Variants in CENPH observed in about 807,000 individuals in gnomAD.
CENPH encodes centromere protein H, also known as CENP-H.
In CENPH, 40 loss-of-function variants were observed where a neutral mutation model predicts 42.9. The observed-to-expected ratio is 0.93, with a 90% confidence interval of 0.72 to 1.21. The LOEUF (loss-of-function observed/expected upper bound fraction) is 1.21, where lower values mean the gene tolerates loss of function less well. Ranked by LOEUF, CENPH falls within the 50% of genes most tolerant of loss-of-function variation. CENPH has a pLI of 0.00. For missense variants in CENPH, 302 were observed against 292.9 expected (o/e 1.03, Z -0.23); for synonymous variants, 88 against 96.5 (o/e 0.91, Z 0.52).
intron 7 of CENPH, among the ~76,000 whole-genome samples, chr5:69,205,383 G>A (rs1043148678): frequency 1.3e-5 from 2 of 151,824 alleles, no homozygotes; most frequent in Non-Finnish European, 2.9e-5. Flanking sequence ...GTGCCACCAC[G>A]CCTGGCTAAT....
chr5:69,189,861 C>T, intron 1 of CENPH, 93 bp downstream of exon 1: 3 of 1,340,088 alleles, frequency 2.2e-6, no homozygotes, highest in Non-Finnish European at 2.9e-6. Flanking sequence ...CGAATTCACG[C>T]TCGGTCACGT....
intron 5 of CENPH, among the ~76,000 whole-genome samples, chr5:69,197,841 C>CA (rs768055573): frequency 0.028 from 2,899 of 102,490 alleles, 70 homozygotes; most frequent in Non-Finnish European, 0.036. Context: ...TTATTATGAG[C>CA]AAAAAAAAAA....
rs532738235 is a variant in CENPH, at chr5:69,209,690, A to AT, written c.652-9dup. The AT allele has an allele frequency of 3.8e-3, 5,258 of 1,391,024 alleles. 20 individuals carry two copies. Among genetic ancestry groups the AT allele is most frequent in the South Asian group, 6.2e-3 (491 of 78,674 alleles). 86.2% of individuals were successfully genotyped at this position (1,391,024 alleles called of 1,614,324 possible). A position where few individuals can be genotyped will look rare whatever the true frequency, so the allele number is the denominator to read the frequency against. ...TTAAAGTACTTGTAACTTTAAAACA[A>AT]TTTTTTTTCTTTACAGAACCTTATT... is the stretch of plus-strand genomic sequence containing the variant. On this transcript the variant is annotated splice_polypyrimidine_tract_variant and intron_variant, in intron 8 of 8. Coordinates refer to ENST00000283006, the MANE Select transcript of CENPH (RefSeq NM_022909.4).
intron 8 of CENPH, among the ~76,000 whole-genome samples, chr5:69,209,493 C>T (rs1011058606): frequency 2.6e-5 from 4 of 151,356 alleles, no homozygotes; most frequent in Admixed American, 6.6e-5. Context: ...AGCTGAAGAC[C>T]GCACCATTGC....
chr5:69,197,214 G>A, intron 5 of CENPH, 105 bp downstream of exon 5: 1 of 601,726 alleles, frequency 1.7e-6, no homozygotes, highest in South Asian at 4.5e-5. Flanking sequence ...TTTGTCTGGG[G>A]AATAAGGAAA....
At chr5:69,208,676 A>G (rs1384388403) in intron 8 of CENPH, among the ~76,000 whole-genome samples, 2 of 152,058 alleles carry the variant, frequency 1.3e-5, no homozygotes, top group South Asian at 2.1e-4. Context: ...TGATGATGCT[A>G]TCATACAGTA....
At chr5:69,190,061 A>G (rs897637227) in intron 1 of CENPH, among the ~76,000 whole-genome samples, 6 of 151,804 alleles carry the variant, frequency 4.0e-5, no homozygotes, top group African/African-American at 1.5e-4. Flanking sequence ...CCCTCCCCCT[A>G]CCTCTCTGGT....
chr5:69,198,166 C>T (rs112771392), intron 5 of CENPH, among the ~76,000 whole-genome samples: 2 of 151,650 alleles, frequency 1.3e-5, no homozygotes, highest in South Asian at 2.1e-4. Context: ...GTGATCCACC[C>T]GCCTCGGCCT....
chr5:69,192,077 CAG>C (rs1051763626), intron 2 of CENPH, among the ~76,000 whole-genome samples: 18 of 152,084 alleles, frequency 1.2e-4, no homozygotes, highest in African/African-American at 4.1e-4. Flanking sequence ...TTTGTAGACA[CAG>C]GGTTTTGCCA....
In CENPH at chr5:69,204,597, C is replaced by CTTTTTTTTTTTTTTTT. The variant is rs530678541; in HGVS notation, c.487+1636_487+1651dup. Among the ~76,000 whole-genome samples, 67 of 69,596 alleles carry CTTTTTTTTTTTTTTTT rather than the reference C, an allele frequency of 9.6e-4. 5 individuals are homozygous for CTTTTTTTTTTTTTTTT. The highest frequency in any genetic ancestry group is 1.7e-3 in the Admixed American group (7 of 4,228). The allele number at this position is 69,596 out of a possible 152,430, so 45.7% of individuals were successfully genotyped here. A position where few individuals can be genotyped will look rare whatever the true frequency, so the allele number is the denominator to read the frequency against. On this transcript the variant is annotated intron_variant, in intron 7 of 8. Coordinates refer to ENST00000283006, the MANE Select transcript of CENPH (RefSeq NM_022909.4). ...GAGCTACCACACCTGGCTTGTATTT[C>CTTTTTTTTTTTTTTTT]TTTTTTTTTTTTTTTTTTTTTTTTG...
intron 7 of CENPH, among the ~76,000 whole-genome samples, chr5:69,204,597 CTTTTT>C (rs530678541): frequency 1.9e-4 from 13 of 69,576 alleles, no homozygotes; most frequent in African/African-American, 5.5e-4. Context: ...GCTTGTATTT[CTTTTT>C]TTTTTTTTTT....
intron 5 of CENPH, among the ~76,000 whole-genome samples, chr5:69,198,480 G>A (rs1748004749): frequency 6.6e-6 from 1 of 152,032 alleles, no homozygotes; most frequent in African/African-American, 2.4e-5. Context: ...AGTAGAGACG[G>A]GGTTTCACTA....
intron 3 of CENPH, among the ~76,000 whole-genome samples, chr5:69,195,063 C>G (rs1219261028): frequency 6.6e-6 from 1 of 152,036 alleles, no homozygotes; most frequent in East Asian, 1.9e-4. Flanking sequence ...AACCCCATCT[C>G]TACTGAAAAT....
chr5:69,194,781 C>T, intron 3 of CENPH, 86 bp downstream of exon 3: 1 of 843,820 alleles, frequency 1.2e-6, no homozygotes, highest in Non-Finnish European at 1.9e-6. Flanking sequence ...TGGAGTCTCA[C>T]TATCATGCAG....
rs141991598 is a variant in CENPH at position 69,192,871 on chromosome 5, C to T, written c.190+1021C>T. ...CGGCACTTTGGGAGGCCGAGGTGGG[C>T]GGATCACCTGAGGTCAGGAGTTCGA... On this transcript the variant is annotated intron_variant, in intron 2 of 8. Coordinates refer to ENST00000283006, the MANE Select transcript of CENPH (RefSeq NM_022909.4). Among the ~76,000 whole-genome samples the T allele has an allele frequency of 1.2e-4, 18 of 152,066 alleles. 1 individual carries two copies. The East Asian group carries it at 2.7e-3, about 23-fold the overall frequency.
chr5:69,204,982 G>A (rs564787689), intron 7 of CENPH, among the ~76,000 whole-genome samples: 85 of 146,716 alleles, frequency 5.8e-4, no homozygotes, highest in Non-Finnish European at 1.1e-3. Flanking sequence ...GCAGTGGTGC[G>A]ATCTCAGCTC....
chr5:69,196,919 A>G (rs350106), intron 4 of CENPH, 134 bp from the exon 5 acceptor site: 336,552 of 557,650 alleles, frequency 0.6, 105,217 homozygotes, highest in African/African-American at 0.89. Flanking sequence ...TATTTCTCTT[A>G]TAATAATATT....
At chr5:69,198,482 G>A (rs1748004814) in intron 5 of CENPH, among the ~76,000 whole-genome samples, 1 of 152,022 alleles carries the variant, frequency 6.6e-6, no homozygotes, top group Non-Finnish European at 1.5e-5. Flanking sequence ...TAGAGACGGG[G>A]TTTCACTATG....
At chr5:69,193,827 T>A (rs1747919834) in intron 2 of CENPH, among the ~76,000 whole-genome samples, 1 of 152,024 alleles carries the variant, frequency 6.6e-6, no homozygotes, top group Admixed American at 6.6e-5. Context: ...AATTTTTGTA[T>A]TTTTAGTAGA....
Sources: allele counts gnomAD v4.1 joint callset (sites outside exome capture counted in the v4.1 genomes callset), GRCh38; gene constraint gnomAD v4.1.1; transcripts MANE v1.5; gene names NCBI Gene and HGNC (gene_info 2026-07-23, HGNC 2026-07-21).